The following PDE3B variants were observed in gnomAD, a reference collection of about 807,000 sequenced individuals.
The protein encoded by PDE3B is phosphodiesterase 3B, also known as cGMP-inhibited 3',5'-cyclic phosphodiesterase 3B.
A neutral mutation model predicts 116.8 loss-of-function variants in PDE3B; 66 were observed. The observed-to-expected ratio is 0.56, with a 90% CI of 0.46 to 0.69. PDE3B has a LOEUF of 0.69. PDE3B is among the 30% of genes least tolerant of loss of function. The pLI, the probability that PDE3B is intolerant of heterozygous loss-of-function variation, is 0.00. For missense variants in PDE3B, 1,384 were observed against 1,368.1 expected, an observed-to-expected ratio of 1.01 and a Z score of -0.18; for synonymous variants, 595 against 533.6, an observed-to-expected ratio of 1.12 and a Z score of -1.59.
chr11:14,723,032 C>G (rs1856169843), intron 1 of PDE3B, among the ~76,000 whole-genome samples: 1 of 152,124 alleles, frequency 6.6e-6, no homozygotes, highest in Admixed American at 6.5e-5. Context: ...CACTAGCCAT[C>G]CTAAATGGCA....
At chr11:14,862,959 A>C (rs1252082367) in intron 14 of PDE3B, among the ~76,000 whole-genome samples, 3 of 152,004 alleles carry the variant, frequency 2.0e-5, no homozygotes, top group African/African-American at 7.3e-5. Context: ...ATAGGTATAC[A>C]CGTGCCATGG....
chr11:14,858,032 T>C (rs190684103), intron 12 of PDE3B, among the ~76,000 whole-genome samples: 9 of 152,338 alleles, frequency 5.9e-5, no homozygotes, highest in Non-Finnish European at 1.5e-5. Flanking sequence ...AATCATACCA[T>C]TGCTTTTATA....
intron 1 of PDE3B, among the ~76,000 whole-genome samples, chr11:14,760,929 GTTC>G (rs776607588): frequency 2.0e-5 from 3 of 152,102 alleles, no homozygotes; most frequent in Non-Finnish European, 4.4e-5. Flanking sequence ...GAACATTACA[GTTC>G]TTCTCTCTAG....
At chr11:14,663,940 C>T (rs1489386523) in intron 1 of PDE3B, among the ~76,000 whole-genome samples, 1 of 152,134 alleles carries the variant, frequency 6.6e-6, no homozygotes, top group East Asian at 1.9e-4. Context: ...CAGAACTCTC[C>T]ACCCCAAATC....
At chr11:14,712,584 C>A (rs927018424) in intron 1 of PDE3B, among the ~76,000 whole-genome samples, 3 of 145,506 alleles carry the variant, frequency 2.1e-5, no homozygotes, top group Non-Finnish European at 4.5e-5. Context: ...AAGTGATTCT[C>A]CTGCCTCAGC....
chr11:14,761,054 CACAATTTATCATTGTGCT>C (rs1445326849), intron 1 of PDE3B, among the ~76,000 whole-genome samples: 1 of 152,020 alleles, frequency 6.6e-6, no homozygotes, highest in Non-Finnish European at 1.5e-5. Context: ...CAAGAATTAG[CACAATTTATCATTGTGCT>C]AGACTCTTTA....
intron 1 of PDE3B, among the ~76,000 whole-genome samples, chr11:14,741,161 A>G (rs1241604490): frequency 6.6e-6 from 1 of 151,610 alleles, no homozygotes; most frequent in African/African-American, 2.4e-5. Flanking sequence ...TTCCTTGTTG[A>G]TTTTCTATCG....
At chr11:14,892,612 G>C in the PDE3B span, among the ~76,000 whole-genome samples, 2 of 152,088 alleles carry the variant, frequency 1.3e-5, no homozygotes, top group Admixed American at 6.5e-5. Flanking sequence ...TTTCACACTA[G>C]GAAAACTGGA....
intron 12 of PDE3B, among the ~76,000 whole-genome samples, chr11:14,849,680 C>T (rs1319616162): frequency 4.6e-5 from 7 of 152,186 alleles, no homozygotes; most frequent in Admixed American, 2.0e-4. Context: ...GGGCGAAGGA[C>T]ATGAACAGAC....
At chr11:14,754,272 T>G (rs1043975827) in intron 1 of PDE3B, among the ~76,000 whole-genome samples, 5 of 152,086 alleles carry the variant, frequency 3.3e-5, no homozygotes, top group African/African-American at 1.2e-4. Context: ...GCCAGTTTCT[T>G]TAGCATTTTA....
Position 14,832,709 on chromosome 11 carries a change from A to C in PDE3B, c.2095-13A>C. Reference sequence around the variant, plus strand: ...TGATTTTTAAAGTAAACTTTATTTTAATTGACATTTAGGTTATGTATACCT... The same window carrying C: ...TGATTTTTAAAGTAAACTTTATTTTCATTGACATTTAGGTTATGTATACCT... On this transcript the variant is annotated splice_polypyrimidine_tract_variant and intron_variant, in intron 9 of 15. Transcript: ENST00000282096. 4.3e-6 allele frequency: 4 copies of C among 936,700 alleles called. No individual in the cohort carries two copies. The highest frequency in any genetic ancestry group is 6.6e-6 in the Non-Finnish European group (4 of 610,586). 58.0% of individuals were successfully genotyped at this position (936,700 alleles called of 1,614,324 possible). A position where few individuals can be genotyped will look rare whatever the true frequency, so the allele number is the denominator to read the frequency against.
At chr11:14,679,812 C>T (rs1206136881) in intron 1 of PDE3B, among the ~76,000 whole-genome samples, 1 of 151,970 alleles carries the variant, frequency 6.6e-6, no homozygotes, top group Admixed American at 6.5e-5. Flanking sequence ...CACCTAGCCT[C>T]CAGTTCCTAT....
chr11:14,847,543 A>T (rs1457636708), intron 12 of PDE3B, among the ~76,000 whole-genome samples: 3 of 151,954 alleles, frequency 2.0e-5, no homozygotes, highest in Non-Finnish European at 4.4e-5. Context: ...AAAATCAATG[A>T]ATCCAGGAGC....
intron 1 of PDE3B, among the ~76,000 whole-genome samples, chr11:14,755,791 C>CGG (rs1857165885): frequency 6.6e-6 from 1 of 152,058 alleles, no homozygotes; most frequent in Non-Finnish European, 1.5e-5. Flanking sequence ...ACATAATAAC[C>CGG]TTGATTTTGT....
Position 14,649,632 on chromosome 11 carries a change from G to C in PDE3B, c.978+4579G>C, listed in dbSNP as rs1879890. On this transcript the variant is annotated intron_variant, in intron 1 of 15. Coordinates refer to ENST00000282096, the MANE Select transcript of PDE3B (RefSeq NM_000922.4). ...AAGGAGGTAGGCAAGAAGTGAGAGAGAGTCAGTTAAGAGGGACTCTTGAAA... is the reference window on the plus strand; with the variant it reads ...AAGGAGGTAGGCAAGAAGTGAGAGACAGTCAGTTAAGAGGGACTCTTGAAA... 4.4e-3 allele frequency among the ~76,000 whole-genome samples: 663 copies of C among 152,340 alleles called. 32 individuals carry two copies. The East Asian group carries it at 0.11, about 25-fold the overall frequency.
intron 2 of PDE3B, among the ~76,000 whole-genome samples, chr11:14,779,472 G>T (rs532860427): frequency 6.6e-6 from 1 of 152,180 alleles, no homozygotes; most frequent in Non-Finnish European, 1.5e-5. Flanking sequence ...CGGATCTCTC[G>T]GCAGAAACTC....
At position 14,789,216 on chromosome 11, in the gene PDE3B, A is replaced by G. The variant is rs4757268; in HGVS notation, c.1389A>G (p.Arg463=). ...GGTGGGATCGTAATAATGGCAAAAG[A>G]CCTCACCAAGAATTTGGCATTTCAA... The part of the protein sequence containing the change: ...SSRWDRNNGK[R]PHQEFGISSQ... Residue 463 remains arginine, a synonymous_variant, in exon 4 of 16, where the codon AGA becomes AGG. Transcript: ENST00000282096. The G allele has an allele frequency of 0.61, 975,356 of 1,603,340 alleles. 298,724 individuals are homozygous for G. Among genetic ancestry groups the G allele is most frequent in the Middle Eastern group, 0.7 (4,193 of 6,022 alleles).
intron 1 of PDE3B, among the ~76,000 whole-genome samples, chr11:14,701,131 C>G (rs938676102): frequency 2.6e-5 from 4 of 151,612 alleles, no homozygotes; most frequent in Admixed American, 1.3e-4. Flanking sequence ...GGAGCTTAAT[C>G]TTCCCCCACA....
intron 12 of PDE3B, among the ~76,000 whole-genome samples, chr11:14,856,413 T>G (rs568006354): frequency 8.5e-5 from 13 of 152,306 alleles, no homozygotes; most frequent in Admixed American, 7.2e-4. Flanking sequence ...TCAAGACTAT[T>G]TCTTTACCCT....
Sources: gnomAD v4.1 joint callset for allele counts (sites outside exome capture counted in the v4.1 genomes callset) on GRCh38, gnomAD v4.1.1 for gene constraint, MANE v1.5 for transcripts, NCBI Gene and HGNC (gene_info 2026-07-23, HGNC 2026-07-21) for gene names.